The following NUP93 variants were observed in gnomAD, a reference collection of about 807,000 sequenced individuals.
NUP93 encodes the protein nuclear pore complex protein Nup93.
Under a neutral mutation model 107.8 loss-of-function variants are expected in NUP93, and 55 were observed. That is an observed-to-expected ratio of 0.51 (90% CI 0.41 to 0.64). The LOEUF is 0.64. Ranked by LOEUF, NUP93 falls within the 30% of genes least tolerant of loss-of-function variation. The probability of loss-of-function intolerance (pLI) is 0.00; values close to 1 mark genes in which losing one functional copy is unlikely to be tolerated. For missense variants in NUP93, 937 were observed against 1,044.7 expected (o/e 0.90, Z 1.42); for synonymous variants, 390 against 397.5 (o/e 0.98, Z 0.22).
chr16:56,774,591 GT>G (rs1962379461), intron 3 of NUP93, among the ~76,000 whole-genome samples: 1 of 152,214 alleles, frequency 6.6e-6, no homozygotes, highest in African/African-American at 2.4e-5. Context: ...TTTGAAAAAT[GT>G]ATTAAAATGT....
chr16:56,824,223 G>A (rs953296532), intron 8 of NUP93, among the ~76,000 whole-genome samples: 3 of 152,030 alleles, frequency 2.0e-5, no homozygotes, highest in African/African-American at 7.3e-5. Flanking sequence ...TTTACTCCCA[G>A]GCATGTTACT....
At chr16:56,836,270 C>T (rs1417906691) in intron 16 of NUP93, among the ~76,000 whole-genome samples, 3 of 152,050 alleles carry the variant, frequency 2.0e-5, no homozygotes, top group African/African-American at 7.2e-5. Context: ...CTCTCTAGTT[C>T]CTACTTATCA....
chr16:56,817,388 C>T (rs1438527633), intron 5 of NUP93, among the ~76,000 whole-genome samples: 2 of 152,176 alleles, frequency 1.3e-5, no homozygotes, highest in African/African-American at 4.8e-5. Context: ...CTTCCTTTTA[C>T]CAGCTTCATA....
At position 56,846,130 on chromosome 16, in the gene NUP93, G is replaced by T. The variant is rs1249595722; in HGVS notation, c.*1521G>T. Reference sequence around the variant, plus strand: ...GTGCTTTTTAAAAAAGAGTACTCCTGGCCGGGTGGGGTGGCTCACACCTGT... The same window carrying T: ...GTGCTTTTTAAAAAAGAGTACTCCTTGCCGGGTGGGGTGGCTCACACCTGT... On this transcript the variant is annotated 3_prime_UTR_variant, in exon 22 of 22. Coordinates refer to ENST00000308159, the MANE Select transcript of NUP93 (RefSeq NM_014669.5). 5 of 152,256 alleles carry T rather than the reference G, an allele frequency of 3.3e-5. No individual in the cohort carries two copies. Among genetic ancestry groups the T allele is most frequent in the Non-Finnish European group, 7.3e-5 (5 of 68,074 alleles). 9.4% of individuals were successfully genotyped at this position (152,256 alleles called of 1,614,324 possible).
intron 9 of NUP93, among the ~76,000 whole-genome samples, chr16:56,830,081 T>A (rs1156589463): frequency 1.3e-5 from 2 of 152,166 alleles, no homozygotes; most frequent in African/African-American, 4.8e-5. Flanking sequence ...GAGTAAAATG[T>A]TTATGACGTT....
intron 3 of NUP93, among the ~76,000 whole-genome samples, chr16:56,764,471 CAGAG>C (rs1962183455): frequency 6.6e-6 from 1 of 152,138 alleles, no homozygotes; most frequent in African/African-American, 2.4e-5. Context: ...GCCTGGCTGA[CAGAG>C]AGAGACTCTG....
intron 3 of NUP93, among the ~76,000 whole-genome samples, chr16:56,785,448 A>G (rs763680781): frequency 2.0e-5 from 3 of 152,130 alleles, no homozygotes; most frequent in Non-Finnish European, 2.9e-5. Flanking sequence ...AACCTCTTCA[A>G]TCTGGAAACT....
At chr16:56,794,066 ATAGATAGGTAGGTAGGTAGGTAGG>A (rs1567391324) in intron 3 of NUP93, among the ~76,000 whole-genome samples, 1 of 100,860 alleles carries the variant, frequency 9.9e-6, no homozygotes, top group Non-Finnish European at 2.0e-5. Flanking sequence ...AGATAGATAG[ATAGATAGGTAGGTAGGTAGGTAGG>A]TAGATAGATA....
intron 2 of NUP93, among the ~76,000 whole-genome samples, chr16:56,752,388 A>G (rs1961938568): frequency 6.6e-6 from 1 of 152,224 alleles, no homozygotes; most frequent in South Asian, 2.1e-4. Flanking sequence ...TCTATGTAGT[A>G]GAGTACTCTT....
chr16:56,823,961 T>A, intron 8 of NUP93, 115 bp downstream of exon 8: 2 of 1,283,282 alleles, frequency 1.6e-6, no homozygotes, highest in Admixed American at 4.9e-5. Context: ...TAAGATTTAT[T>A]ATGTTAAATT....
At chr16:56,733,641 A>G (rs1395556833) in intron 1 of NUP93, among the ~76,000 whole-genome samples, 1 of 152,182 alleles carries the variant, frequency 6.6e-6, no homozygotes, top group Non-Finnish European at 1.5e-5. Flanking sequence ...TGAGTCATCC[A>G]GGTGTAGGTA....
chr16:56,836,591 G>C lies in NUP93; in HGVS notation c.1783-10G>C, dbSNP rs1264460394. ...CTCTCTTCCTCCCCCTCCATAATTTGTCTTGTCAGCCTGGAGTCATAGATA... is the reference window on the plus strand; with the variant it reads ...CTCTCTTCCTCCCCCTCCATAATTTCTCTTGTCAGCCTGGAGTCATAGATA... On this transcript the variant is annotated splice_polypyrimidine_tract_variant and intron_variant, in intron 16 of 21. Transcript: ENST00000308159. 6.5e-7 allele frequency: 1 copy of C among 1,542,682 alleles called. No individual in the cohort carries two copies. Among genetic ancestry groups the C allele is most frequent in the Non-Finnish European group, 9.0e-7 (1 of 1,116,390 alleles).
At chr16:56,770,503 G>A (rs1190051856) in intron 3 of NUP93, among the ~76,000 whole-genome samples, 2 of 152,140 alleles carry the variant, frequency 1.3e-5, no homozygotes, top group Non-Finnish European at 2.9e-5. Flanking sequence ...GCTTTAAGGG[G>A]GGAAAATTGA....
chr16:56,760,356 C>T (rs571808852), intron 3 of NUP93, among the ~76,000 whole-genome samples: 3 of 152,100 alleles, frequency 2.0e-5, no homozygotes, highest in African/African-American at 7.2e-5. Context: ...AGTGATACCC[C>T]CTGTATTTGG....
intron 1 of NUP93, among the ~76,000 whole-genome samples, chr16:56,735,828 CA>C (rs58346838): frequency 2.0e-3 from 213 of 106,890 alleles, no homozygotes; most frequent in African/African-American, 2.1e-3. Flanking sequence ...AACTCCGTCT[CA>C]AAAAAAAAAA....
At chr16:56,741,075 C>T (rs1961732356) in intron 1 of NUP93, among the ~76,000 whole-genome samples, 1 of 151,906 alleles carries the variant, frequency 6.6e-6, no homozygotes. Flanking sequence ...TTATGGAAAT[C>T]TGGATTTATA....
Position 56,836,582 on chromosome 16 carries a change from C to T in NUP93, c.1783-19C>T. On this transcript the variant is annotated intron_variant, in intron 16 of 21. Transcript: ENST00000308159. ...CACCCGTCTCTCTCTTCCTCCCCCT[C>T]CATAATTTGTCTTGTCAGCCTGGAG... is the stretch of plus-strand genomic sequence containing the variant. 2 of 1,436,638 alleles carry T rather than the reference C, an allele frequency of 1.4e-6. No individual in the cohort carries two copies. The highest frequency in any genetic ancestry group is 2.0e-6 in the Non-Finnish European group (2 of 1,019,832). The allele number at this position is 1,436,638 out of a possible 1,614,324, so 89.0% of individuals were successfully genotyped here. A position where few individuals can be genotyped will look rare whatever the true frequency, so the allele number is the denominator to read the frequency against.
intron 5 of NUP93, 102 bp downstream of exon 5, chr16:56,805,734 C>T: frequency 6.4e-6 from 8 of 1,252,070 alleles, no homozygotes; most frequent in South Asian, 1.4e-5. Flanking sequence ...TCACTGTCTT[C>T]CCCTTGAAAC....
intron 5 of NUP93, among the ~76,000 whole-genome samples, chr16:56,816,970 C>G (rs116689793): frequency 7.1e-4 from 108 of 152,188 alleles, no homozygotes; most frequent in African/African-American, 2.4e-3. Flanking sequence ...AAAGTAATGG[C>G]AAAACCTGCA....
Sources: gnomAD v4.1 joint callset for allele counts (sites outside exome capture counted in the v4.1 genomes callset) on GRCh38, gnomAD v4.1.1 for gene constraint, MANE v1.5 for transcripts, NCBI Gene and HGNC (gene_info 2026-07-23, HGNC 2026-07-21) for gene names.